Variants in SGCD observed in about 807,000 individuals in gnomAD.
The protein encoded by SGCD is sarcoglycan delta.
SGCD carries 18 observed loss-of-function variants against 36.6 expected under a neutral mutation model. The ratio of observed to expected loss-of-function variants is 0.49; its 90% CI spans 0.34 to 0.73. SGCD has a LOEUF of 0.73. SGCD is among the 30% of genes least tolerant of loss of function. The probability of loss-of-function intolerance (pLI) is 0.01; values close to 1 mark genes in which losing one functional copy is unlikely to be tolerated. For synonymous variants in SGCD, 133 were observed against 130.6 expected, an observed-to-expected ratio of 1.02 and a Z score of -0.12; for missense variants, 387 against 346.7, an observed-to-expected ratio of 1.12 and a Z score of -0.92.
intron 3 of SGCD, among the ~76,000 whole-genome samples, chr5:156,482,058 A>C (rs1755454019): frequency 6.6e-6 from 1 of 152,152 alleles, no homozygotes; most frequent in African/African-American, 2.4e-5. Flanking sequence ...TGGGTGTCAC[A>C]GTCCGAATGT....
intron 3 of SGCD, among the ~76,000 whole-genome samples, chr5:156,446,524 T>C (rs78980537): frequency 0.024 from 3,687 of 152,220 alleles, 59 homozygotes; most frequent in African/African-American, 0.04. Context: ...TCAAAAGCCC[T>C]TTTTATTTAC....
intron 1 of SGCD, among the ~76,000 whole-genome samples, chr5:155,971,453 T>A (rs967835817): frequency 1.5e-4 from 23 of 152,270 alleles, no homozygotes; most frequent in African/African-American, 4.8e-4. Context: ...TATTCCCATA[T>A]AGCTGATACT....
intron 4 of SGCD, among the ~76,000 whole-genome samples, chr5:156,514,017 G>A (rs1757051759): frequency 6.6e-6 from 1 of 152,202 alleles, no homozygotes; most frequent in Non-Finnish European, 1.5e-5. Flanking sequence ...GGGATTTAAT[G>A]CTATACAACT....
chr5:156,060,105 C>A (rs75332980), intron 1 of SGCD, among the ~76,000 whole-genome samples: 10,484 of 146,544 alleles, frequency 0.072, 1,677 homozygotes, highest in African/African-American at 0.24. Context: ...TATTAACCTG[C>A]ATTTTTTGTT....
chr5:156,187,156 G>T (rs1399129729), intron 3 of SGCD, among the ~76,000 whole-genome samples: 1 of 152,084 alleles, frequency 6.6e-6, no homozygotes, highest in Non-Finnish European at 1.5e-5. Flanking sequence ...CAGGATAATA[G>T]AGATAATCAT....
At chr5:156,024,469 G>A (rs1759181305) in intron 1 of SGCD, among the ~76,000 whole-genome samples, 1 of 151,888 alleles carries the variant, frequency 6.6e-6, no homozygotes, top group Admixed American at 6.6e-5. Context: ...CTGGCCTCTA[G>A]TACCTCTCTT....
At chr5:156,550,317 A>G (rs903659924) in intron 4 of SGCD, among the ~76,000 whole-genome samples, 1 of 152,210 alleles carries the variant, frequency 6.6e-6, no homozygotes, top group Non-Finnish European at 1.5e-5. Context: ...AGTGGAGGAA[A>G]TGGACATTCT....
intron 3 of SGCD, among the ~76,000 whole-genome samples, chr5:156,154,058 CCTAAGGGAGATTCTGTGA>C (rs778725875): frequency 1.1e-4 from 16 of 151,650 alleles, no homozygotes; most frequent in Non-Finnish European, 2.4e-4. Context: ...GTTCCCTGCC[CCTAAGGGAGATTCTGTGA>C]AACTCAGGGC....
intron 7 of SGCD, among the ~76,000 whole-genome samples, chr5:156,742,481 A>G (rs1756732224): frequency 6.9e-6 from 1 of 145,854 alleles, no homozygotes; most frequent in Admixed American, 7.3e-5. Flanking sequence ...GGTCCAGTCC[A>G]TCACCAAATC....
At chr5:155,941,004 T>A (rs1419439327) in intron 1 of SGCD, among the ~76,000 whole-genome samples, 1 of 152,198 alleles carries the variant, frequency 6.6e-6, no homozygotes, top group Non-Finnish European at 1.5e-5. Context: ...AGAGACATTT[T>A]TTTTTTGGCT....
At chr5:156,631,484 A>G (rs1463263488) in intron 6 of SGCD, among the ~76,000 whole-genome samples, 1 of 150,250 alleles carries the variant, frequency 6.7e-6, no homozygotes, top group Non-Finnish European at 1.5e-5. Flanking sequence ...TTTAAAAAAA[A>G]GATAATTGGT....
chr5:156,094,944 T>A (rs904827725), intron 1 of SGCD, among the ~76,000 whole-genome samples: 5 of 152,070 alleles, frequency 3.3e-5, no homozygotes, highest in African/African-American at 1.2e-4. Context: ...GAGGTTGCAG[T>A]GAGCCAGGTT....
chr5:156,459,333 T>C (rs1754387916), intron 3 of SGCD, among the ~76,000 whole-genome samples: 1 of 152,208 alleles, frequency 6.6e-6, no homozygotes, highest in Non-Finnish European at 1.5e-5. Flanking sequence ...ATAGTCTCTC[T>C]TACTATCCCA....
At chr5:156,458,434 G>A (rs1754347299) in intron 3 of SGCD, 5 of 1,609,542 alleles carry the variant, frequency 3.1e-6, no homozygotes, top group Non-Finnish European at 4.2e-6. Flanking sequence ...CCAATCTGAG[G>A]GTCAAACCCT....
intron 3 of SGCD, among the ~76,000 whole-genome samples, chr5:156,165,919 A>C (rs1763200478): frequency 1.3e-5 from 2 of 152,216 alleles, no homozygotes; most frequent in Admixed American, 1.3e-4. Flanking sequence ...TTTTGTTTGA[A>C]GTTTTTAGGA....
chr5:156,235,871 T>C (rs1425380986), intron 3 of SGCD, among the ~76,000 whole-genome samples: 3 of 152,306 alleles, frequency 2.0e-5, no homozygotes, highest in African/African-American at 7.2e-5. Context: ...TAATGGAAAT[T>C]GGGAAATCCA....
chr5:156,407,811 T>C (rs1251272081), intron 3 of SGCD, among the ~76,000 whole-genome samples: 2 of 112,118 alleles, frequency 1.8e-5, no homozygotes, highest in African/African-American at 7.1e-5. Context: ...TTTTGCTTAC[T>C]TAATGATTAT....
intron 3 of SGCD, among the ~76,000 whole-genome samples, chr5:156,311,405 A>AT (rs1226367295): frequency 2.6e-5 from 4 of 152,212 alleles, no homozygotes; most frequent in East Asian, 1.9e-4. Context: ...AATATCCTTA[A>AT]TTTTTTCTAT....
intron 5 of SGCD, among the ~76,000 whole-genome samples, chr5:156,592,268 C>T (rs1279762858): frequency 6.6e-6 from 1 of 152,042 alleles, no homozygotes; most frequent in Admixed American, 6.6e-5. Flanking sequence ...AACTGCTCGC[C>T]CTGTGCCCAT....
Sources: gnomAD v4.1 joint callset for allele counts (sites outside exome capture counted in the v4.1 genomes callset) on GRCh38, gnomAD v4.1.1 for gene constraint, MANE v1.5 for transcripts, NCBI Gene and HGNC (gene_info 2026-07-23, HGNC 2026-07-21) for gene names.